CBR4: variants seen among roughly 807,000 people sequenced by gnomAD.
The protein encoded by CBR4 is 3-oxoacyl-[acyl-carrier-protein] reductase.
In CBR4, 22 loss-of-function variants were observed where a neutral mutation model predicts 21.0. The ratio of observed to expected loss-of-function variants is 1.05; its 90% CI spans 0.75 to 1.50. CBR4 has a LOEUF of 1.50. CBR4 is among the 40% of genes most tolerant of loss of function. The pLI is 0.00. For missense variants in CBR4, 302 were observed against 286.3 expected (o/e 1.05, Z -0.40); for synonymous variants, 100 against 104.4 (o/e 0.96, Z 0.26).
At chr4:168,903,916 G>A (rs1314906073) in intron 2 of CBR4, 2 of 1,612,848 alleles carry the variant, frequency 1.2e-6, no homozygotes, top group South Asian at 1.1e-5. Flanking sequence ...GGTAAAGAAG[G>A]GTATAGGTCT....
chr4:168,980,808 C>T (rs1466195250), intron 2 of CBR4, among the ~76,000 whole-genome samples: 1 of 152,182 alleles, frequency 6.6e-6, no homozygotes, highest in East Asian at 1.9e-4. Context: ...CAAGTGACTA[C>T]AGTCAAGTTA....
rs1195162800 is a variant in CBR4, at chr4:169,002,288, G to A, written c.401-83C>T. On this transcript the variant is annotated intron_variant, in intron 3 of 4. Coordinates refer to ENST00000306193, the MANE Select transcript of CBR4 (RefSeq NM_032783.5). ...TACTTGAAAATTTAGATAATTTATA[G>A]TAAACAAAAAGGTAAAACCCACTTC... is the stretch of plus-strand genomic sequence containing the variant. 1.2e-5 allele frequency: 15 copies of A among 1,270,230 alleles called. No individual in the cohort carries two copies. In the Admixed American group the frequency reaches 5.1e-4, roughly 43 times the overall value. 78.7% of individuals were successfully genotyped at this position (1,270,230 alleles called of 1,614,324 possible). A position where few individuals can be genotyped will look rare whatever the true frequency, so the allele number is the denominator to read the frequency against.
chr4:169,004,738 C>A (rs1187133356), intron 3 of CBR4, among the ~76,000 whole-genome samples: 3 of 152,168 alleles, frequency 2.0e-5, no homozygotes, highest in Non-Finnish European at 2.9e-5. Context: ...CTTGTACTGT[C>A]AATCTAAATT....
In CBR4 at chr4:169,006,806, C is replaced by A. The variant is rs751679371; in HGVS notation, c.349G>T (p.Ala117Ser). The A allele has an allele frequency of 1.9e-6, 3 of 1,613,892 alleles. No individual in the cohort carries two copies. The highest frequency in any genetic ancestry group is 1.7e-4 in the Middle Eastern group (1 of 6,058). ...NLLGSMLTCK[A>S]AMRTMIQQQG... ...TGTTGAATCATAGTCCTCATGGCAG[C>A]TTTACAGGTCAGCATGGAACCCAAG... Residue 117 changes from alanine to serine, a missense_variant, in exon 3 of 5, where the codon GCT becomes TCT. By Grantham distance (99) the Ala-to-Ser change is moderately conservative. Transcript: ENST00000306193.
At chr4:168,917,575 A>G (rs1760456014) in intron 2 of CBR4, among the ~76,000 whole-genome samples, 1 of 152,194 alleles carries the variant, frequency 6.6e-6, no homozygotes, top group Non-Finnish European at 1.5e-5. Flanking sequence ...AATATGGATA[A>G]GGTTTTAAAA....
At chr4:168,931,902 C>G (rs75426912) in intron 2 of CBR4, among the ~76,000 whole-genome samples, 2 of 151,312 alleles carry the variant, frequency 1.3e-5, no homozygotes, top group African/African-American at 4.9e-5. Context: ...AGCCAACACA[C>G]CCCCCCTAAC....
At chr4:168,900,994 G>A (rs1756396524) in intron 2 of CBR4, among the ~76,000 whole-genome samples, 1 of 152,136 alleles carries the variant, frequency 6.6e-6, no homozygotes, top group African/African-American at 2.4e-5. Context: ...CATGAAAGAT[G>A]GGCTTTTGTT....
At chr4:168,987,231 G>A (rs1764720944), downstream of CBR4, among the ~76,000 whole-genome samples, 1 of 152,166 alleles carries the variant, frequency 6.6e-6, no homozygotes, top group Non-Finnish European at 1.5e-5. Flanking sequence ...TAAAGTGAAA[G>A]CAAGCATCAA....
intron 2 of CBR4, among the ~76,000 whole-genome samples, chr4:168,918,572 A>G (rs995217056): frequency 2.0e-5 from 3 of 152,182 alleles, no homozygotes; most frequent in African/African-American, 7.2e-5. Flanking sequence ...AAAGCATATA[A>G]AATTTCAGAC....
chr4:168,983,298 C>T (rs1319549499), downstream of CBR4, among the ~76,000 whole-genome samples: 1 of 151,948 alleles, frequency 6.6e-6, no homozygotes, highest in Admixed American at 6.6e-5. Context: ...CCTCTATGCA[C>T]ATAAACTAGA....
At chr4:168,976,306 G>A (rs1406227509) in intron 2 of CBR4, among the ~76,000 whole-genome samples, 1 of 152,168 alleles carries the variant, frequency 6.6e-6, no homozygotes, top group Non-Finnish European at 1.5e-5. Flanking sequence ...TACCTACGGG[G>A]CTCCTCCTGC....
At chr4:168,906,733 T>C (rs759322000) in intron 2 of CBR4, among the ~76,000 whole-genome samples, 13 of 152,096 alleles carry the variant, frequency 8.5e-5, no homozygotes, top group Non-Finnish European at 1.5e-4. Flanking sequence ...CAAGCAGTCC[T>C]CCCATCTCAG....
intron 2 of CBR4, among the ~76,000 whole-genome samples, chr4:168,896,775 T>C (rs924287740): frequency 6.6e-6 from 1 of 152,200 alleles, no homozygotes; most frequent in African/African-American, 2.4e-5. Flanking sequence ...TGAGTTTTCT[T>C]GTCATGTATT....
intron 2 of CBR4, among the ~76,000 whole-genome samples, chr4:168,928,963 G>A (rs114760800): frequency 1.6e-3 from 246 of 152,098 alleles, no homozygotes; most frequent in African/African-American, 5.7e-3. Context: ...CAGCTAAATC[G>A]CCATTTGATT....
chr4:168,958,399 G>A (rs141338622), intron 2 of CBR4, among the ~76,000 whole-genome samples: 272 of 152,188 alleles, frequency 1.8e-3, no homozygotes, highest in African/African-American at 6.3e-3. Flanking sequence ...GTGTATAATA[G>A]TTGTTTTGTA....
chr4:169,009,977 C>T lies in CBR4; in HGVS notation c.113G>A (p.Gly38Glu), dbSNP rs767028269. 7 of 1,612,914 alleles carry T rather than the reference C, an allele frequency of 4.3e-6. No homozygotes were observed. Among genetic ancestry groups the T allele is most frequent in the Non-Finnish European group, 5.1e-6 (6 of 1,179,696 alleles). ...GAGGTCACCGGCGGCGGCTTTGGCC[C>T]CTTCCAGGTTTCTGGCAATGACCGC... ...RLAVIARNLE[G>E]AKAAAGDLGG... Residue 38 changes from glycine (G) to glutamate (E), a missense_variant, in exon 1 of 5, where the codon GGG becomes GAG. Transcript: ENST00000306193.
At chr4:169,007,530 C>T (rs901123133) in intron 2 of CBR4, 106 bp downstream of exon 2, 8 of 614,978 alleles carry the variant, frequency 1.3e-5, no homozygotes, top group African/African-American at 1.9e-5. Context: ...GTTTTTTCTC[C>T]CAGTTAGAAG....
intron 2 of CBR4, among the ~76,000 whole-genome samples, chr4:168,965,627 C>A (rs971048045): frequency 6.6e-6 from 1 of 152,118 alleles, no homozygotes; most frequent in Non-Finnish European, 1.5e-5. Context: ...CTTTGACAAA[C>A]CTGACAAAAA....
In CBR4 at chr4:169,009,809, A is replaced by T. The variant is rs930726083; in HGVS notation, c.142+139T>A. The T allele has an allele frequency of 1.6e-5, 12 of 766,914 alleles. No individual in the cohort carries two copies. In the Admixed American group the frequency reaches 1.6e-4, roughly 10 times the overall value. The allele number at this position is 766,914 out of a possible 1,614,324, so 47.5% of individuals were successfully genotyped here. On this transcript the variant is annotated intron_variant, in intron 1 of 4. Coordinates refer to ENST00000306193, the MANE Select transcript of CBR4 (RefSeq NM_032783.5). The stretch of plus-strand genomic sequence containing the variant: ...TGCACGAGACGCATTCTACCCTTGG[A>T]ACGGGAGAGCGCCTGCACGCGGCTA...
Sources: gnomAD v4.1 joint callset for allele counts (sites outside exome capture counted in the v4.1 genomes callset) on GRCh38, gnomAD v4.1.1 for gene constraint, MANE v1.5 for transcripts, NCBI Gene and HGNC (gene_info 2026-07-23, HGNC 2026-07-21) for gene names.